B4GALNT1: variants seen among roughly 807,000 people sequenced by gnomAD.
B4GALNT1 encodes the protein beta-1,4 N-acetylgalactosaminyltransferase 1.
B4GALNT1 carries 43 observed loss-of-function variants against 55.2 expected under a neutral mutation model. That is an observed-to-expected ratio of 0.78 (90% confidence interval 0.61 to 1.00). B4GALNT1 has a LOEUF of 1.00. Ranked by LOEUF, B4GALNT1 falls within the 50% of genes least tolerant of loss-of-function variation. The pLI, the probability that B4GALNT1 is intolerant of heterozygous loss-of-function variation, is 0.00. For synonymous variants in B4GALNT1, 305 were observed against 311.6 expected (o/e 0.98, Z 0.22); for missense variants, 664 against 729.7 (o/e 0.91, Z 1.04).
At position 57,625,748 on chromosome 12, in the gene B4GALNT1, CA is replaced by C; in HGVS notation, c.*995del. On this transcript the variant is annotated 3_prime_UTR_variant, in exon 11 of 11. Transcript: ENST00000341156. ...AGGCACTGGGCTGCGGCAAGTGAGGCAGGGGTAAGTGGCTGGAGACCCAGGG... is the reference window on the plus strand; with the variant it reads ...AGGCACTGGGCTGCGGCAAGTGAGGCGGGGTAAGTGGCTGGAGACCCAGGG... 1 of 1,520,236 alleles carries C rather than the reference CA, an allele frequency of 6.6e-7. No homozygotes were observed. The highest frequency in any genetic ancestry group is 2.3e-5 in the East Asian group (1 of 44,016). 94.2% of individuals were successfully genotyped at this position (1,520,236 alleles called of 1,614,324 possible).
chr12:57,628,515 G>A (rs1302847686), intron 8 of B4GALNT1, 198 bp downstream of exon 8: 1 of 802,766 alleles, frequency 1.2e-6, no homozygotes. Flanking sequence ...ATGCCATTAG[G>A]CACTAAGCAC....
Position 57,624,058 on chromosome 12 carries a change from A to C in B4GALNT1, c.*2686T>G. ...ATGCGCCAGGTGTTCTGCCAGATGC[A>C]GGAACTTCCACAACTATGGCACATC... On this transcript the variant is annotated 3_prime_UTR_variant, in exon 11 of 11. Coordinates refer to ENST00000341156, the MANE Select transcript of B4GALNT1 (RefSeq NM_001478.5). The C allele has an allele frequency of 6.2e-7, 1 of 1,613,630 alleles. No individual in the cohort carries two copies. The highest frequency in any genetic ancestry group is 8.5e-7 in the Non-Finnish European group (1 of 1,179,778).
At position 57,630,415 on chromosome 12, in the gene B4GALNT1, C is replaced by T. The variant is rs1026145315; in HGVS notation, c.531+63G>A. 8.8e-6 allele frequency: 14 copies of T among 1,597,630 alleles called. No individual in the cohort carries two copies. In the African/African-American group the frequency reaches 1.2e-4, roughly 14 times the overall value. On this transcript the variant is annotated intron_variant, in intron 5 of 10. Coordinates refer to ENST00000341156, the MANE Select transcript of B4GALNT1 (RefSeq NM_001478.5). ...ATTCGCCCATCCTTCCCTTAGTAGC[C>T]CTGCCTCCCTCCCAGCATTCTTGAT...
Position 57,627,848 on chromosome 12 carries a change from G to A in B4GALNT1, c.1154C>T (p.Ala385Val), listed in dbSNP as rs774698373. The change falls in exon 10 of 11, where the codon GCG becomes GTG. Residue 385 changes from alanine to valine, a missense_variant. Physicochemically the swap from Ala to Val is moderately conservative, Grantham distance 64 (BLOSUM62 0). Transcript: ENST00000341156. ...ERTPLDLVGG[A>V]VREISGFATT... ...GGCAAAGCCGGAGATCTCGCGCACC[G>A]CGCCCCCCACCTGCAGGGAGAGGGA... is the stretch of plus-strand genomic sequence containing the variant. 3 of 1,583,288 alleles carry A rather than the reference G, an allele frequency of 1.9e-6. No homozygotes were observed. The highest frequency in any genetic ancestry group is 2.3e-5 in the East Asian group (1 of 43,974).
intron 10 of B4GALNT1, among the ~76,000 whole-genome samples, chr12:57,627,170 T>G (rs1773431994): frequency 6.6e-6 from 1 of 152,090 alleles, no homozygotes; most frequent in South Asian, 2.1e-4. Context: ...TCGAAAAACC[T>G]ACCCCTACTC....
Position 57,626,499 on chromosome 12 carries a change from G to A in B4GALNT1, c.*245C>T. The A allele has an allele frequency of 1.8e-6, 1 of 550,636 alleles. No individual in the cohort carries two copies. Among genetic ancestry groups the A allele is most frequent in the South Asian group, 2.1e-5 (1 of 48,028 alleles). The allele number at this position is 550,636 out of a possible 1,614,324, so 34.1% of individuals were successfully genotyped here. ...ATTTCCTGCCCCATGAGAATGGGCA[G>A]GGGGAGGACTTGGCACTGGCTGTGG... is the stretch of plus-strand genomic sequence containing the variant. On this transcript the variant is annotated 3_prime_UTR_variant, in exon 11 of 11. Transcript: ENST00000341156.
At position 57,624,580 on chromosome 12, in the gene B4GALNT1, G is replaced by T. The variant is rs752444012; in HGVS notation, c.*2164C>A. On this transcript the variant is annotated 3_prime_UTR_variant, in exon 11 of 11. Coordinates refer to ENST00000341156, the MANE Select transcript of B4GALNT1 (RefSeq NM_001478.5). ...TGGCTGTGGGTGTGGTCTTCTCCAT[G>T]ATGACTGTGGTCTGCCGCACCCGGA... 7.5e-6 allele frequency: 5 copies of T among 666,962 alleles called. No homozygotes were observed. In the Admixed American group the frequency reaches 9.1e-5, roughly 12 times the overall value. 41.3% of individuals were successfully genotyped at this position (666,962 alleles called of 1,614,324 possible).
rs143066025 is a variant in B4GALNT1 at position 57,627,730 on chromosome 12, G to C, written c.1272C>G (p.Val424=). The change falls in exon 10 of 11, where the codon GTC becomes GTG. Residue 424 remains valine, a synonymous_variant. Coordinates refer to ENST00000341156, the MANE Select transcript of B4GALNT1 (RefSeq NM_001478.5). Reference sequence around the variant, plus strand: ...CGGTGACCACGCAGCCTGGGAAGCCGACGAGCTCGTGGTGGAAGCCGCGCC... The same window carrying C: ...CGGTGACCACGCAGCCTGGGAAGCCCACGAGCTCGTGGTGGAAGCCGCGCC... ...RQRRGFHHEL[V]GFPGCVVTDG... is the part of the protein sequence containing the mutation. The C allele has an allele frequency of 8.3e-5, 133 of 1,611,570 alleles. No individual in the cohort carries two copies. Among genetic ancestry groups the C allele is most frequent in the Non-Finnish European group, 1.1e-4 (127 of 1,178,864 alleles).
Position 57,624,880 on chromosome 12 carries a change from G to C in B4GALNT1, c.*1864C>G. On this transcript the variant is annotated 3_prime_UTR_variant, in exon 11 of 11. Coordinates refer to ENST00000341156, the MANE Select transcript of B4GALNT1 (RefSeq NM_001478.5). Reference sequence around the variant, plus strand: ...TGACCTCTTAGCTCCTCCAGGTCCCGGGGCTCTGCATCCTGAGCTATCCAA... The same window carrying C: ...TGACCTCTTAGCTCCTCCAGGTCCCCGGGCTCTGCATCCTGAGCTATCCAA... 6.2e-7 allele frequency: 1 copy of C among 1,614,132 alleles called. No individual in the cohort carries two copies. The highest frequency in any genetic ancestry group is 8.5e-7 in the Non-Finnish European group (1 of 1,180,008).
In B4GALNT1 at chr12:57,625,666, C is replaced by A; in HGVS notation, c.*1078G>T. On this transcript the variant is annotated 3_prime_UTR_variant, in exon 11 of 11. Transcript: ENST00000341156. The stretch of plus-strand genomic sequence containing the variant: ...CTGTTTGTGAGTGTGCAGGATGCAG[C>A]TGCTTATGCCCTGGGGAGCCTGTTA... The A allele has an allele frequency of 6.3e-7, 1 of 1,586,898 alleles. No individual in the cohort carries two copies. Among genetic ancestry groups the A allele is most frequent in the Admixed American group, 1.8e-5 (1 of 57,046 alleles).
chr12:57,626,306 C>G lies in B4GALNT1; in HGVS notation c.*438G>C, dbSNP rs1359553510. 3.7e-5 allele frequency: 7 copies of G among 188,390 alleles called. No individual in the cohort carries two copies. In the South Asian group the frequency reaches 6.8e-4, roughly 18 times the overall value. The allele number at this position is 188,390 out of a possible 1,614,324, so 11.7% of individuals were successfully genotyped here. A position where few individuals can be genotyped will look rare whatever the true frequency, so the allele number is the denominator to read the frequency against. On this transcript the variant is annotated 3_prime_UTR_variant, in exon 11 of 11. Coordinates refer to ENST00000341156, the MANE Select transcript of B4GALNT1 (RefSeq NM_001478.5). ...TCTCTCTGTGGGGGTGGGGCTGGAG[C>G]AGGTACACAGAGTACTGGATCTGAA...
chr12:57,630,457 T>C (rs1189893962), intron 5 of B4GALNT1, 21 bp downstream of exon 5: 2 of 1,604,054 alleles, frequency 1.2e-6, no homozygotes, highest in Non-Finnish European at 8.5e-7. Flanking sequence ...TTGGCCTCCT[T>C]GCCTTCTTGT....
intron 9 of B4GALNT1, 117 bp from the exon 10 acceptor site, chr12:57,627,975 C>T: frequency 1.4e-6 from 2 of 1,469,982 alleles, no homozygotes; most frequent in Non-Finnish European, 1.8e-6. Flanking sequence ...CCGCTTCACC[C>T]CTGCAGGACC....
intron 6 of B4GALNT1, 112 bp from the exon 7 acceptor site, chr12:57,629,258 A>G: frequency 2.3e-6 from 2 of 867,982 alleles, no homozygotes; most frequent in Non-Finnish European, 3.4e-6. Context: ...GCCTTGGTGG[A>G]CAAGAACAGA....
chr12:57,626,876 A>G lies in B4GALNT1; in HGVS notation c.1470T>C (p.Pro490=), dbSNP rs113015273. The change falls in exon 11 of 11, where the codon CCT becomes CCC. Residue 490 remains proline (P), a synonymous_variant. Transcript: ENST00000341156. Reference sequence around the variant, plus strand: ...CTGCTCCGGCATCCCTTGATGTCCAAGGCAGCTTCAGTTTGGATGCATGAT... The same window carrying G: ...CTGCTCCGGCATCCCTTGATGTCCAGGGCAGCTTCAGTTTGGATGCATGAT... ...VVDHASKLKL[P]WTSRDAGAET... 8.1e-6 allele frequency: 13 copies of G among 1,614,210 alleles called. No homozygotes were observed. The highest frequency in any genetic ancestry group is 8.0e-5 in the African/African-American group (6 of 75,056).
chr12:57,623,724 G>T lies in B4GALNT1; in HGVS notation c.*3020C>A, dbSNP rs1456066577. 3.5e-6 allele frequency: 3 copies of T among 862,528 alleles called. No individual in the cohort carries two copies. In the Admixed American group the frequency reaches 7.2e-5, roughly 21 times the overall value. 53.4% of individuals were successfully genotyped at this position (862,528 alleles called of 1,614,324 possible). On this transcript the variant is annotated 3_prime_UTR_variant, in exon 11 of 11. Coordinates refer to ENST00000341156, the MANE Select transcript of B4GALNT1 (RefSeq NM_001478.5). ...AAGGGGGTTGTGTGGAAGGAGATTT[G>T]GGAGAAGGGAGACTTCCGAGGAAGA...
At position 57,626,840 on chromosome 12, in the gene B4GALNT1, G is replaced by T. The variant is rs2140240323; in HGVS notation, c.1506C>A (p.Ala502=). The stretch of plus-strand genomic sequence containing the variant: ...CCAGTGATCCTGGGTAACGGTACCG[G>T]GCGTAAGTCTCTGCTCCGGCATCCC... ...TSRDAGAETY[A]RYRYPGSLDE... is the part of the protein sequence containing the mutation. Residue 502 remains alanine, a synonymous_variant, in exon 11 of 11, where the codon GCC becomes GCA. Transcript: ENST00000341156. The T allele has an allele frequency of 1.2e-6, 2 of 1,614,176 alleles. No individual in the cohort carries two copies. The highest frequency in any genetic ancestry group is 4.5e-5 in the East Asian group (2 of 44,876).
At position 57,627,840 on chromosome 12, in the gene B4GALNT1, C is replaced by A. The variant is rs1346139712; in HGVS notation, c.1162G>T (p.Glu388Ter). The A allele has an allele frequency of 6.3e-7, 1 of 1,585,044 alleles. No homozygotes were observed. The highest frequency in any genetic ancestry group is 8.6e-7 in the Non-Finnish European group (1 of 1,164,222). Residue 388 changes from glutamate to a stop codon, truncating the protein, a stop_gained, in exon 10 of 11, where the codon GAG becomes TAG. Coordinates refer to ENST00000341156, the MANE Select transcript of B4GALNT1 (RefSeq NM_001478.5). LOFTEE classifies it high-confidence loss of function. ...PLDLVGGAVR[E>*]ISGFATTYRQ... ...TAAGTGGTGGCAAAGCCGGAGATCTCGCGCACCGCGCCCCCCACCTGCAGG... is the reference window on the plus strand; with the variant it reads ...TAAGTGGTGGCAAAGCCGGAGATCTAGCGCACCGCGCCCCCCACCTGCAGG...
Position 57,628,277 on chromosome 12 carries a change from T to A in B4GALNT1, c.1003-15A>T, listed in dbSNP as rs1194514991. ...GCGAACCAGCCCTGGCAGAAAGGTG[T>A]GTGTGGTTGGGGAGGCTGCAGAAAT... is the stretch of plus-strand genomic sequence containing the variant. On this transcript the variant is annotated splice_polypyrimidine_tract_variant and intron_variant, in intron 8 of 10. Transcript: ENST00000341156. 6 of 1,613,916 alleles carry A rather than the reference T, an allele frequency of 3.7e-6. No individual in the cohort carries two copies. The highest frequency in any genetic ancestry group is 1.6e-4 in the Middle Eastern group (1 of 6,082).
Sources: allele counts gnomAD v4.1 joint callset (sites outside exome capture counted in the v4.1 genomes callset), GRCh38; gene constraint gnomAD v4.1.1; transcripts MANE v1.5; gene names NCBI Gene and HGNC (gene_info 2026-07-23, HGNC 2026-07-21).